The following FSTL5 variants were observed in gnomAD, a reference collection of about 807,000 sequenced individuals.
FSTL5 encodes the protein follistatin-related protein 5.
FSTL5 carries 62 observed loss-of-function variants against 89.1 expected under a neutral mutation model. The ratio of observed to expected loss-of-function variants is 0.70; its 90% CI spans 0.57 to 0.86. The LOEUF (loss-of-function observed/expected upper bound fraction) is 0.86. Ranked by LOEUF, FSTL5 falls within the 40% of genes least tolerant of loss-of-function variation. The probability of loss-of-function intolerance (pLI) is 0.00; values close to 1 mark genes in which losing one functional copy is unlikely to be tolerated. For synonymous variants in FSTL5, 383 were observed against 346.2 expected, an observed-to-expected ratio of 1.11 and a Z score of -1.18; for missense variants, 1,057 against 1,001.6, an observed-to-expected ratio of 1.06 and a Z score of -0.75.
chr4:161,562,509 T>C (rs1256209391), intron 8 of FSTL5, among the ~76,000 whole-genome samples: 1 of 152,132 alleles, frequency 6.6e-6, no homozygotes, highest in Middle Eastern at 3.4e-3. Flanking sequence ...CTATAATTCT[T>C]CTATAATTTA....
intron 4 of FSTL5, among the ~76,000 whole-genome samples, chr4:161,857,667 C>A (rs957369383): frequency 2.0e-5 from 3 of 152,054 alleles, no homozygotes; most frequent in African/African-American, 7.2e-5. Context: ...ATTATCACAT[C>A]CCCACTATGA....
rs76093224 is a variant in FSTL5 at position 162,084,913 on chromosome 4, A to T, written c.126+26358T>A. ...ATTCTGCATATGTACCCCAGAACTT[A>T]AAGTATAATAGAATGCATATTTAAA... On this transcript the variant is annotated intron_variant, in intron 2 of 15. Transcript: ENST00000306100. Among the ~76,000 whole-genome samples the T allele has an allele frequency of 6.9e-3, 1,058 of 152,242 alleles. 29 individuals carry two copies. In the East Asian group the frequency reaches 0.085, roughly 12 times the overall value.
chr4:161,551,571 C>T (rs2126557840), intron 8 of FSTL5, among the ~76,000 whole-genome samples: 1 of 152,036 alleles, frequency 6.6e-6, no homozygotes, highest in Admixed American at 6.6e-5. Flanking sequence ...CATCATGATA[C>T]CTGACTTCAA....
chr4:162,115,408 C>T lies in FSTL5; in HGVS notation c.-16-3996G>A, dbSNP rs529279432. Among the ~76,000 whole-genome samples the T allele has an allele frequency of 2.2e-3, 332 of 152,212 alleles. 1 individual carries two copies. Among genetic ancestry groups the T allele is most frequent in the African/African-American group, 6.9e-3 (287 of 41,526 alleles). On this transcript the variant is annotated intron_variant, in intron 1 of 15. Transcript: ENST00000306100. The stretch of plus-strand genomic sequence containing the variant: ...GTTCTGGAAATTTTTTGTAAATCAG[C>T]AGTAATCGATCCCACCATAAACAGT...
intron 1 of FSTL5, among the ~76,000 whole-genome samples, chr4:162,160,977 T>C (rs904004795): frequency 2.0e-5 from 3 of 151,952 alleles, no homozygotes; most frequent in Non-Finnish European, 4.4e-5. Flanking sequence ...CATTTTTGAC[T>C]CAATTTTTAG....
At chr4:161,565,910 GT>G (rs1382288773) in intron 8 of FSTL5, among the ~76,000 whole-genome samples, 1 of 150,958 alleles carries the variant, frequency 6.6e-6, no homozygotes, top group East Asian at 1.9e-4. Context: ...ATGATGACCT[GT>G]TTTTCTTTGG....
intron 3 of FSTL5, among the ~76,000 whole-genome samples, chr4:162,013,867 G>T (rs1736840801): frequency 6.6e-6 from 1 of 151,858 alleles, no homozygotes; most frequent in Non-Finnish European, 1.5e-5. Context: ...AAAAAAATAT[G>T]CCTACAAACC....
chr4:161,447,758 T>C (rs1203248197), intron 15 of FSTL5, among the ~76,000 whole-genome samples: 1 of 152,078 alleles, frequency 6.6e-6, no homozygotes, highest in Non-Finnish European at 1.5e-5. Context: ...GAAATAAGAT[T>C]AAGAAAGTTA....
intron 7 of FSTL5, among the ~76,000 whole-genome samples, chr4:161,600,809 T>C (rs1436319191): frequency 6.6e-6 from 1 of 152,180 alleles, no homozygotes; most frequent in Non-Finnish European, 1.5e-5. Context: ...CTTCTGGCCT[T>C]ATCTTGGGAT....
At chr4:161,551,033 G>A (rs551890361) in intron 8 of FSTL5, among the ~76,000 whole-genome samples, 7 of 152,074 alleles carry the variant, frequency 4.6e-5, no homozygotes, top group South Asian at 2.1e-4. Context: ...GAATAATGCC[G>A]CAATAAACAT....
chr4:161,932,393 T>G (rs1372031960), intron 3 of FSTL5, among the ~76,000 whole-genome samples: 1 of 151,876 alleles, frequency 6.6e-6, no homozygotes. Flanking sequence ...ATTCATAAGC[T>G]TTGATACTTA....
intron 1 of FSTL5, among the ~76,000 whole-genome samples, chr4:162,140,857 TA>T (rs1732701712): frequency 6.6e-6 from 1 of 152,060 alleles, no homozygotes; most frequent in Non-Finnish European, 1.5e-5. Flanking sequence ...GAAAGGAGGT[TA>T]ATATGACCCC....
At chr4:162,064,921 A>T (rs867037615) in intron 2 of FSTL5, among the ~76,000 whole-genome samples, 1 of 152,022 alleles carries the variant, frequency 6.6e-6, no homozygotes, top group African/African-American at 2.4e-5. Flanking sequence ...GGCTAAATAA[A>T]CACAATAGAG....
chr4:161,603,117 C>A (rs1307436407), intron 7 of FSTL5, among the ~76,000 whole-genome samples: 1 of 152,022 alleles, frequency 6.6e-6, no homozygotes, highest in Non-Finnish European at 1.5e-5. Flanking sequence ...CTCTAAGGAG[C>A]TGACATGTCA....
At chr4:161,990,124 AC>A (rs1736070701) in intron 3 of FSTL5, among the ~76,000 whole-genome samples, 1 of 152,174 alleles carries the variant, frequency 6.6e-6, no homozygotes, top group Non-Finnish European at 1.5e-5. Context: ...AAATTGAGGT[AC>A]TACACAGTTA....
chr4:161,528,936 C>G (rs1453924651), intron 10 of FSTL5, among the ~76,000 whole-genome samples: 1 of 140,784 alleles, frequency 7.1e-6, no homozygotes, highest in African/African-American at 2.6e-5. Context: ...GTCCACATGC[C>G]TAAAGTCATA....
intron 3 of FSTL5, among the ~76,000 whole-genome samples, chr4:162,017,932 A>G (rs1242186616): frequency 6.6e-6 from 1 of 152,110 alleles, no homozygotes; most frequent in Non-Finnish European, 1.5e-5. Context: ...GCCCAGGATT[A>G]TACTGTGGGT....
intron 1 of FSTL5, among the ~76,000 whole-genome samples, chr4:162,130,610 T>A (rs1455716037): frequency 1.3e-5 from 2 of 152,134 alleles, no homozygotes; most frequent in South Asian, 2.1e-4. Flanking sequence ...TCCAGATATG[T>A]CAAGCCCCAC....
rs187735172 is a variant in FSTL5 at position 162,037,640 on chromosome 4, A to G, written c.127-3982T>C. Among the ~76,000 whole-genome samples the G allele has an allele frequency of 5.3e-5, 8 of 152,042 alleles. No individual in the cohort carries two copies. The East Asian group carries it at 1.5e-3, about 29-fold the overall frequency. On this transcript the variant is annotated intron_variant, in intron 2 of 15. Transcript: ENST00000306100. ...AGTTTTATATAATTATAAATTACCAATGCAAATCTGTCTAAATATTCTATA... is the reference window on the plus strand; with the variant it reads ...AGTTTTATATAATTATAAATTACCAGTGCAAATCTGTCTAAATATTCTATA...
Sources: gnomAD v4.1 joint callset for allele counts (sites outside exome capture counted in the v4.1 genomes callset) on GRCh38, gnomAD v4.1.1 for gene constraint, MANE v1.5 for transcripts, NCBI Gene and HGNC (gene_info 2026-07-23, HGNC 2026-07-21) for gene names.